DYNLRB1: variants seen among roughly 807,000 people sequenced by gnomAD.
DYNLRB1 encodes ROBL/LC7-like 1.
Under a neutral mutation model 13.5 loss-of-function variants are expected in DYNLRB1, and 6 were observed. The observed-to-expected ratio is 0.44, with a 90% CI of 0.24 to 0.88. The LOEUF (loss-of-function observed/expected upper bound fraction) is 0.88, where lower values mean the gene tolerates loss of function less well. DYNLRB1 is among the 40% of genes least tolerant of loss of function. The pLI, the probability that DYNLRB1 is intolerant of heterozygous loss-of-function variation, is 0.21. For missense variants in DYNLRB1, 93 were observed against 127.2 expected (o/e 0.73, Z 1.29); for synonymous variants, 43 against 45.0 (o/e 0.96, Z 0.18).
chr20:34,540,452 G>A (rs776058936), intron 3 of DYNLRB1, 129 bp from the exon 4 acceptor site: 17 of 858,272 alleles, frequency 2.0e-5, no homozygotes, highest in Admixed American at 4.9e-5. Flanking sequence ...GATGCTGAAC[G>A]TTGATGCTTT....
intron 1 of DYNLRB1, chr20:34,516,703 G>A (rs1461265001): frequency 2.8e-5 from 42 of 1,514,688 alleles, no homozygotes; most frequent in Non-Finnish European, 3.6e-5. Context: ...GCCCAGCCTC[G>A]GCCAGGAAGA....
chr20:34,526,487 T>C, intron 2 of DYNLRB1, 144 bp downstream of exon 2: 1 of 416,400 alleles, frequency 2.4e-6, no homozygotes, highest in East Asian at 4.5e-5. Flanking sequence ...CCAGTGTTCT[T>C]TTTTTTTTTT....
At chr20:34,535,424 A>C in intron 3 of DYNLRB1, 1 of 918,000 alleles carries the variant, frequency 1.1e-6, no homozygotes, top group Non-Finnish European at 1.3e-6. Flanking sequence ...CTGTGGTGCA[A>C]CCAAGGCCTG....
chr20:34,526,359 C>T lies in DYNLRB1; in HGVS notation c.79+16C>T, dbSNP rs371143034. The stretch of plus-strand genomic sequence containing the variant: ...AACACAGAAGGTACGCCCTCCCTCC[C>T]GCCATGACCCGCACCCAGGCAGGCC... On this transcript the variant is annotated intron_variant, in intron 2 of 3. Coordinates refer to ENST00000357156, the MANE Select transcript of DYNLRB1 (RefSeq NM_014183.4). The T allele has an allele frequency of 9.9e-6, 16 of 1,613,030 alleles. No homozygotes were observed. Among genetic ancestry groups the T allele is most frequent in the Middle Eastern group, 1.6e-4 (1 of 6,084 alleles).
chr20:34,522,862 A>G (rs1979867518), intron 1 of DYNLRB1, among the ~76,000 whole-genome samples: 1 of 152,124 alleles, frequency 6.6e-6, no homozygotes, highest in South Asian at 2.1e-4. Context: ...CACACTGTGG[A>G]CTGTGAGGCC....
intron 1 of DYNLRB1, among the ~76,000 whole-genome samples, chr20:34,518,319 G>C (rs975713497): frequency 2.0e-5 from 3 of 151,676 alleles, no homozygotes; most frequent in African/African-American, 7.3e-5. Flanking sequence ...TGTTCTTTTC[G>C]TCCAGGCTTC....
At chr20:34,515,892 TTTTTG>T (rs1290577260), upstream of DYNLRB1, among the ~76,000 whole-genome samples, 3 of 151,688 alleles carry the variant, frequency 2.0e-5, no homozygotes, top group Non-Finnish European at 4.4e-5. Flanking sequence ...ACCAGCATGG[TTTTTG>T]TTTTGTTTTG....
intron 1 of DYNLRB1, among the ~76,000 whole-genome samples, chr20:34,521,279 T>A (rs1407054136): frequency 6.6e-6 from 1 of 152,220 alleles, no homozygotes; most frequent in Non-Finnish European, 1.5e-5. Context: ...CCCAAAGTGC[T>A]GAGATTACAG....
At chr20:34,533,467 G>A (rs1980868165) in intron 2 of DYNLRB1, 3 of 985,448 alleles carry the variant, frequency 3.0e-6, no homozygotes, top group Non-Finnish European at 3.6e-6. Flanking sequence ...TCCCTTGGGT[G>A]GAAATCATGA....
chr20:34,529,724 G>C lies in DYNLRB1; in HGVS notation c.79+3381G>C, dbSNP rs148810711. 9.7e-6 allele frequency: 8 copies of C among 827,752 alleles called. No homozygotes were observed. In the African/African-American group the frequency reaches 1.3e-4, roughly 13 times the overall value. The allele number at this position is 827,752 out of a possible 1,614,324, so 51.3% of individuals were successfully genotyped here. A position where few individuals can be genotyped will look rare whatever the true frequency, so the allele number is the denominator to read the frequency against. ...AGCCTGGACGACAAGAATGAAACTCGGTCTCAAAAAAAAAAAAAAAATGTT... is the reference window on the plus strand; with the variant it reads ...AGCCTGGACGACAAGAATGAAACTCCGTCTCAAAAAAAAAAAAAAAATGTT... On this transcript the variant is annotated intron_variant, in intron 2 of 3. Transcript: ENST00000357156.
intron 3 of DYNLRB1, chr20:34,536,034 T>A: frequency 1.0e-6 from 1 of 985,228 alleles, no homozygotes; most frequent in Non-Finnish European, 1.2e-6. Flanking sequence ...AGGAAAGAAC[T>A]ATAGAGCCAG....
chr20:34,535,336 C>CA, intron 3 of DYNLRB1: 1 of 985,484 alleles, frequency 1.0e-6, no homozygotes. Context: ...AGGCCCCTTA[C>CA]AGCCAGCTTT....
At chr20:34,540,403 A>T (rs1252439145) in intron 3 of DYNLRB1, among the ~76,000 whole-genome samples, 178 bp from the exon 4 acceptor site, 1 of 152,184 alleles carries the variant, frequency 6.6e-6, no homozygotes, top group African/African-American at 2.4e-5. Flanking sequence ...CCCCTGCAGG[A>T]ATCTTAAAGG....
In DYNLRB1 at chr20:34,526,603, A is replaced by G. The variant is rs547076355; in HGVS notation, c.79+260A>G. On this transcript the variant is annotated intron_variant, in intron 2 of 3. Transcript: ENST00000357156. ...ATTAGTTGTAAACTGCATTCAGACC[A>G]GCCACCTCCAGTGTCCTCACAAAGG... is the stretch of plus-strand genomic sequence containing the variant. 3.4e-5 allele frequency: 16 copies of G among 465,478 alleles called. 1 individual carries two copies. The Admixed American group carries it at 4.6e-4, about 13-fold the overall frequency. The allele number at this position is 465,478 out of a possible 1,614,324, so 28.8% of individuals were successfully genotyped here.
At chr20:34,517,828 C>G (rs1016906110) in intron 1 of DYNLRB1, among the ~76,000 whole-genome samples, 1 of 151,912 alleles carries the variant, frequency 6.6e-6, no homozygotes, top group Non-Finnish European at 1.5e-5. Context: ...CGGGGTTTCA[C>G]CGTGTTAGTC....
chr20:34,538,949 C>T (rs930821440), intron 3 of DYNLRB1, among the ~76,000 whole-genome samples: 2 of 152,188 alleles, frequency 1.3e-5, no homozygotes, highest in Admixed American at 6.5e-5. Context: ...TCTGAGGCTC[C>T]GTGTTCTCAG....
intron 1 of DYNLRB1, among the ~76,000 whole-genome samples, chr20:34,525,312 T>G (rs968247524): frequency 6.6e-6 from 1 of 152,172 alleles, no homozygotes; most frequent in African/African-American, 2.4e-5. Flanking sequence ...AGGGCTAGTT[T>G]CCATCCACAG....
intron 3 of DYNLRB1, chr20:34,535,009 C>T: frequency 1.7e-5 from 24 of 1,407,480 alleles, no homozygotes; most frequent in South Asian, 3.0e-5. Flanking sequence ...TAACCCCAGT[C>T]TCCTGAGATA....
intron 1 of DYNLRB1, among the ~76,000 whole-genome samples, chr20:34,522,526 G>C (rs1236978404): frequency 7.8e-6 from 1 of 128,822 alleles, no homozygotes; most frequent in Non-Finnish European, 1.6e-5. Flanking sequence ...AGGCTGGAGT[G>C]CAATGGCGCG....
Sources: allele counts gnomAD v4.1 joint callset (sites outside exome capture counted in the v4.1 genomes callset), GRCh38; gene constraint gnomAD v4.1.1; transcripts MANE v1.5; gene names NCBI Gene and HGNC (gene_info 2026-07-23, HGNC 2026-07-21).